The following SLC26A8 variants were observed in gnomAD, a reference collection of about 807,000 sequenced individuals.
SLC26A8 encodes the protein solute carrier family 26 member 8.
A neutral mutation model predicts 105.0 loss-of-function variants in SLC26A8; 70 were observed. The observed-to-expected ratio is 0.67, with a 90% CI of 0.55 to 0.81. The LOEUF (loss-of-function observed/expected upper bound fraction) is 0.81. Among genes scored for constraint, SLC26A8 ranks in the 40% least tolerant of loss-of-function variants. The pLI, the probability that SLC26A8 is intolerant of heterozygous loss-of-function variation, is 0.00. For missense variants in SLC26A8, 998 were observed against 1,181.8 expected (o/e 0.84, Z 2.28); for synonymous variants, 415 against 438.3 (o/e 0.95, Z 0.66).
intron 5 of SLC26A8, among the ~76,000 whole-genome samples, chr6:35,994,547 T>C (rs1761293599): frequency 6.6e-6 from 1 of 150,890 alleles, no homozygotes; most frequent in South Asian, 2.1e-4. Flanking sequence ...CCCTCTTTTT[T>C]CCATCTCTGC....
In SLC26A8 at chr6:35,943,544, T is replaced by C. The variant is rs990632524; in HGVS notation, c.*356A>G. The C allele has an allele frequency of 4.5e-5, 10 of 222,908 alleles. No individual in the cohort carries two copies. Among genetic ancestry groups the C allele is most frequent in the Non-Finnish European group, 9.0e-5 (10 of 111,450 alleles). 13.8% of individuals were successfully genotyped at this position (222,908 alleles called of 1,614,324 possible). A position where few individuals can be genotyped will look rare whatever the true frequency, so the allele number is the denominator to read the frequency against. On this transcript the variant is annotated 3_prime_UTR_variant, in exon 20 of 20. Coordinates refer to ENST00000490799, the MANE Select transcript of SLC26A8 (RefSeq NM_052961.4). ...CTAGAGTTATACATTTTATTTGAGC[T>C]TCATCTCTTTGGAGAAAGGGGAACA...
At chr6:35,961,134 G>C in intron 12 of SLC26A8, 35 bp from the exon 13 acceptor site, 7 of 1,538,784 alleles carry the variant, frequency 4.5e-6, no homozygotes, top group Non-Finnish European at 6.3e-6. Context: ...AAATGATCAT[G>C]AAAACAAGTT....
At chr6:35,968,596 T>TGAAATATACATATGTGTGTATGTGTGA in intron 11 of SLC26A8, among the ~76,000 whole-genome samples, 1 of 47,184 alleles carries the variant, frequency 2.1e-5, no homozygotes, top group African/African-American at 8.2e-5. Flanking sequence ...TGTATGTGTG[T>TGAAATATACATATGTGTGTATGTGTGA]GTGTGTGTGT....
At chr6:35,994,365 C>T (rs189746045) in intron 5 of SLC26A8, among the ~76,000 whole-genome samples, 4 of 152,082 alleles carry the variant, frequency 2.6e-5, no homozygotes, top group South Asian at 2.1e-4. Context: ...CCGCCCGCCT[C>T]GGCCTCTCAA....
At chr6:35,993,684 T>C (rs1056770800) in intron 5 of SLC26A8, among the ~76,000 whole-genome samples, 3 of 152,148 alleles carry the variant, frequency 2.0e-5, no homozygotes, top group Non-Finnish European at 2.9e-5. Flanking sequence ...CAATATTTGA[T>C]AATTTATACA....
intron 2 of SLC26A8, among the ~76,000 whole-genome samples, chr6:36,015,760 C>T (rs1761979725): frequency 1.3e-5 from 2 of 152,060 alleles, no homozygotes; most frequent in Admixed American, 6.6e-5. Context: ...TATCCAAGAA[C>T]ACAACTTGCA....
intron 7 of SLC26A8, among the ~76,000 whole-genome samples, chr6:35,983,965 C>T (rs757111326): frequency 9.9e-5 from 15 of 152,052 alleles, no homozygotes; most frequent in Non-Finnish European, 1.9e-4. Flanking sequence ...GACCCTAGAC[C>T]GTGGGCGCCT....
chr6:35,973,459 G>T (rs1368409281), intron 10 of SLC26A8, among the ~76,000 whole-genome samples: 2 of 152,156 alleles, frequency 1.3e-5, no homozygotes, highest in African/African-American at 4.8e-5. Context: ...CCAACCTGAG[G>T]CCTGCGGGGC....
intron 9 of SLC26A8, 60 bp from the exon 10 acceptor site, chr6:35,975,548 G>T: frequency 2.1e-6 from 2 of 939,738 alleles, no homozygotes; most frequent in Non-Finnish European, 1.6e-6. Flanking sequence ...CTGATTTTGA[G>T]TTGAAGGCAT....
At chr6:36,017,477 C>G (rs1275072390) in intron 2 of SLC26A8, among the ~76,000 whole-genome samples, 1 of 152,024 alleles carries the variant, frequency 6.6e-6, no homozygotes, top group Non-Finnish European at 1.5e-5. Context: ...ATTAAAAATA[C>G]AAAAATTAGC....
intron 4 of SLC26A8, among the ~76,000 whole-genome samples, chr6:35,998,224 GAGA>G (rs1761412431): frequency 6.6e-6 from 1 of 152,110 alleles, no homozygotes; most frequent in African/African-American, 2.4e-5. Context: ...TCTGCTCTTA[GAGA>G]AGGTTAAAAG....
chr6:35,979,709 A>T (rs1295329977), intron 8 of SLC26A8, among the ~76,000 whole-genome samples: 1 of 152,178 alleles, frequency 6.6e-6, no homozygotes, highest in Non-Finnish European at 1.5e-5. Context: ...TTAGTATGAT[A>T]ACAACATAAA....
At chr6:35,991,182 C>T (rs530833831) in intron 7 of SLC26A8, among the ~76,000 whole-genome samples, 2 of 152,222 alleles carry the variant, frequency 1.3e-5, no homozygotes, top group East Asian at 1.9e-4. Flanking sequence ...AGGTGGATCA[C>T]CTGAGGTCAG....
At chr6:36,016,385 T>C (rs1052787111) in intron 2 of SLC26A8, among the ~76,000 whole-genome samples, 2 of 152,242 alleles carry the variant, frequency 1.3e-5, no homozygotes, top group Admixed American at 1.3e-4. Flanking sequence ...CTTATATCTT[T>C]ATTTCACTAA....
chr6:35,973,118 T>C (rs1290103854), intron 10 of SLC26A8, among the ~76,000 whole-genome samples: 2 of 152,212 alleles, frequency 1.3e-5, no homozygotes, highest in Non-Finnish European at 2.9e-5. Context: ...TGATTTAGTT[T>C]TTTTCTAGCC....
At chr6:36,015,677 C>T (rs983934953) in intron 2 of SLC26A8, among the ~76,000 whole-genome samples, 4 of 152,072 alleles carry the variant, frequency 2.6e-5, no homozygotes, top group South Asian at 2.1e-4. Flanking sequence ...GCCAATGTTG[C>T]CCCCAAATAC....
chr6:35,977,813 G>A lies in SLC26A8; in HGVS notation c.1026-462C>T, dbSNP rs928848063. Among the ~76,000 whole-genome samples the A allele has an allele frequency of 6.6e-5, 10 of 152,068 alleles. No homozygotes were observed. In the East Asian group the frequency reaches 1.2e-3, roughly 18 times the overall value. ...GGTGCGGTGGCATATGGCTGGGTGC[G>A]GTGGCTCACGCCTGCAATCCCAGCA... On this transcript the variant is annotated intron_variant, in intron 8 of 19. Transcript: ENST00000490799.
At chr6:35,960,434 T>C (rs1772264660) in intron 14 of SLC26A8, 2 of 180,654 alleles carry the variant, frequency 1.1e-5, no homozygotes, top group Non-Finnish European at 2.3e-5. Context: ...GGCAAGCAGA[T>C]TGACTGAGCT....
intron 10 of SLC26A8, among the ~76,000 whole-genome samples, chr6:35,973,973 G>A (rs769282909): frequency 4.6e-5 from 7 of 152,164 alleles, no homozygotes; most frequent in Non-Finnish European, 8.8e-5. Context: ...TAGTTGAGAT[G>A]GGACACCTCT....
Sources: gnomAD v4.1 joint callset for allele counts (sites outside exome capture counted in the v4.1 genomes callset) on GRCh38, gnomAD v4.1.1 for gene constraint, MANE v1.5 for transcripts, NCBI Gene and HGNC (gene_info 2026-07-23, HGNC 2026-07-21) for gene names.